Variants in EDARADD observed in about 807,000 individuals in gnomAD.
EDARADD encodes EDAR associated via death domain.
Under a neutral mutation model 25.6 loss-of-function variants are expected in EDARADD, and 20 were observed. The ratio of observed to expected loss-of-function variants is 0.78; its 90% CI spans 0.55 to 1.14. The LOEUF (loss-of-function observed/expected upper bound fraction) is 1.14, where lower values mean the gene tolerates loss of function less well. Among genes scored for constraint, EDARADD ranks in the 50% most tolerant of loss-of-function variants. The pLI, the probability that EDARADD is intolerant of heterozygous loss-of-function variation, is 0.00. For synonymous variants in EDARADD, 86 were observed against 94.4 expected, an observed-to-expected ratio of 0.91 and a Z score of 0.52; for missense variants, 225 against 270.1, an observed-to-expected ratio of 0.83 and a Z score of 1.17.
At chr1:236,480,216 C>T (rs1167895148) in intron 5 of EDARADD, among the ~76,000 whole-genome samples, 6 of 148,940 alleles carry the variant, frequency 4.0e-5, no homozygotes, top group Non-Finnish European at 7.4e-5. Flanking sequence ...TTCCATCTTT[C>T]ACATAACATC....
chr1:236,356,547 A>G lies in EDARADD; in HGVS notation c.-6+5708A>G, dbSNP rs577510073. Among the ~76,000 whole-genome samples the G allele has an allele frequency of 1.4e-4, 22 of 152,294 alleles. No homozygotes were observed. In the South Asian group the frequency reaches 4.4e-3, roughly 30 times the overall value. On this transcript the variant is annotated intron_variant, in intron 3 of 7. Transcript: ENST00000439430. Reference sequence around the variant, plus strand: ...GTCAAAGCTATTTTCATAGTATACCATGATATTCTTTGTCTTTTTAACTGT... The same window carrying G: ...GTCAAAGCTATTTTCATAGTATACCGTGATATTCTTTGTCTTTTTAACTGT...
upstream of EDARADD, among the ~76,000 whole-genome samples, chr1:236,390,762 C>CA (rs1020839956): frequency 6.6e-6 from 1 of 152,050 alleles, no homozygotes; most frequent in Non-Finnish European, 1.5e-5. Flanking sequence ...ATTAATCTTC[C>CA]AAAACACCAA....
At chr1:236,394,252 C>G (rs1016007799), upstream of EDARADD, 3 of 598,572 alleles carry the variant, frequency 5.0e-6, no homozygotes, top group Non-Finnish European at 8.9e-6. Context: ...AGATAAAATA[C>G]CCTTAAAAAA....
chr1:236,462,794 G>A (rs1387292466), intron 4 of EDARADD, among the ~76,000 whole-genome samples: 1 of 152,140 alleles, frequency 6.6e-6, no homozygotes, highest in Middle Eastern at 3.2e-3. Context: ...TAATTCCCTT[G>A]TACTCACAAT....
intron 4 of EDARADD, among the ~76,000 whole-genome samples, chr1:236,463,539 C>T (rs1411476676): frequency 6.6e-6 from 1 of 152,326 alleles, no homozygotes; most frequent in East Asian, 1.9e-4. Context: ...GTGATCAGCC[C>T]GCCTCGCCTC....
chr1:236,395,267 A>C lies in EDARADD; in HGVS notation c.61+762A>C. ...AGGACCCGCCCAGGGGGACGTGGGT[A>C]CCGGGCAGGACGCGCGCTCTGGGCG... is the stretch of plus-strand genomic sequence containing the variant. On this transcript the variant is annotated intron_variant, in intron 1 of 5. Transcript: ENST00000334232. This position sits in a 1 kb window ranked among gnomAD's most constrained non-coding sequence, Gnocchi z 6.9. 4 of 864,420 alleles carry C rather than the reference A, an allele frequency of 4.6e-6. No homozygotes were observed. Among genetic ancestry groups the C allele is most frequent in the East Asian group, 7.6e-5 (1 of 13,142 alleles). 53.5% of individuals were successfully genotyped at this position (864,420 alleles called of 1,614,324 possible).
intron 4 of EDARADD, among the ~76,000 whole-genome samples, chr1:236,463,689 T>C (rs974991798): frequency 6.6e-6 from 1 of 152,194 alleles, no homozygotes; most frequent in Non-Finnish European, 1.5e-5. Flanking sequence ...TTCTCTGTCT[T>C]CCCAAACTGA....
chr1:236,349,723 A>G (rs372632693), intron 2 of EDARADD, among the ~76,000 whole-genome samples: 2 of 152,204 alleles, frequency 1.3e-5, no homozygotes, highest in African/African-American at 4.8e-5. Context: ...AGCAGGTTGT[A>G]AAATGTTTCT....
chr1:236,425,181 G>A (rs1000667619), intron 3 of EDARADD, among the ~76,000 whole-genome samples: 1 of 152,246 alleles, frequency 6.6e-6, no homozygotes, highest in Non-Finnish European at 1.5e-5. Flanking sequence ...TGGCGTGTTG[G>A]AAGCAGCAGC....
chr1:236,434,355 G>C (rs1233709307), intron 4 of EDARADD, among the ~76,000 whole-genome samples: 1 of 151,554 alleles, frequency 6.6e-6, no homozygotes, highest in East Asian at 1.9e-4. Flanking sequence ...TTCCTGGCTC[G>C]GCCTCCCTGG....
chr1:236,381,240 T>C (rs974085524), intron 3 of EDARADD, among the ~76,000 whole-genome samples: 2 of 152,246 alleles, frequency 1.3e-5, no homozygotes, highest in South Asian at 2.1e-4. Context: ...TGTGTTGTTA[T>C]GTGTATCAAT....
In EDARADD at chr1:236,394,490, C is replaced by T. The variant is rs1667479214; in HGVS notation, c.46C>T (p.Pro16Ser). Residue 16 changes from proline to serine, a missense_variant, in exon 1 of 6, where the codon CCT (proline) becomes TCT (serine). Pro to Ser is a moderately conservative substitution (Grantham distance 74). Coordinates refer to ENST00000334232, the MANE Select transcript of EDARADD (RefSeq NM_145861.4). Reference sequence around the variant, plus strand: ...ACAGATGGGGAGAGGCACTAAAGCTCCTGGTCACCAAGAGGGTATGTAGGC... The same window carrying T: ...ACAGATGGGGAGAGGCACTAAAGCTTCTGGTCACCAAGAGGGTATGTAGGC... ...TKQMGRGTKA[P>S]GHQEDHMVKE... is the part of the protein sequence containing the mutation. 2 of 1,614,070 alleles carry T rather than the reference C, an allele frequency of 1.2e-6. No homozygotes were observed. Among genetic ancestry groups the T allele is most frequent in the Non-Finnish European group, 1.7e-6 (2 of 1,179,994 alleles).
At chr1:236,416,933 G>A (rs1465105811) in intron 3 of EDARADD, among the ~76,000 whole-genome samples, 6 of 152,072 alleles carry the variant, frequency 3.9e-5, no homozygotes, top group African/African-American at 1.2e-4. Flanking sequence ...GCAACATGGC[G>A]AAACCCCATC....
intron 3 of EDARADD, among the ~76,000 whole-genome samples, chr1:236,417,977 G>A (rs1214981885): frequency 2.1e-5 from 3 of 143,692 alleles, no homozygotes; most frequent in South Asian, 2.2e-4. Flanking sequence ...TTTTTGAGAC[G>A]GATTCTCGCT....
rs112298400 is a variant in EDARADD at position 236,349,927 on chromosome 1, C to T, written c.-141-777C>T. 1.7e-4 allele frequency among the ~76,000 whole-genome samples: 26 copies of T among 152,304 alleles called. 1 individual carries two copies. The highest frequency in any genetic ancestry group is 6.0e-4 in the African/African-American group (25 of 41,574). On this transcript the variant is annotated intron_variant, in intron 2 of 7. Transcript: ENST00000439430. ...AGGAGTTCAAGACCAGCCTGGCCAA[C>T]ATGGCGAAACCATGTCTCTACTAAA...
chr1:236,389,800 G>C (rs566573144), upstream of EDARADD, among the ~76,000 whole-genome samples: 1 of 152,106 alleles, frequency 6.6e-6, no homozygotes, highest in Non-Finnish European at 1.5e-5. Context: ...CCAGGAGTTC[G>C]AGACCTGCCT....
At chr1:236,447,237 TCTTTC>T (rs1658585310) in intron 4 of EDARADD, among the ~76,000 whole-genome samples, 2 of 135,524 alleles carry the variant, frequency 1.5e-5, no homozygotes, top group African/African-American at 3.2e-5. Flanking sequence ...TTCTTTCCTT[TCTTTC>T]CTTTCTTTCC....
intron 4 of EDARADD, among the ~76,000 whole-genome samples, chr1:236,453,798 C>T (rs1457281978): frequency 1.3e-5 from 2 of 152,184 alleles, no homozygotes; most frequent in Admixed American, 6.6e-5. Flanking sequence ...CACCTAAGGA[C>T]GCATTTCTCA....
At chr1:236,427,318 G>A (rs1657946482) in intron 3 of EDARADD, 74 bp from the exon 4 acceptor site, 2 of 1,461,878 alleles carry the variant, frequency 1.4e-6, no homozygotes, top group Non-Finnish European at 1.9e-6. Flanking sequence ...TTAATTTTAG[G>A]TCTTACACCA....
Sources: allele counts gnomAD v4.1 joint callset (sites outside exome capture counted in the v4.1 genomes callset), GRCh38; gene constraint gnomAD v4.1.1; non-coding constraint Gnocchi (gnomAD v3.1); transcripts MANE v1.5; gene names NCBI Gene and HGNC (gene_info 2026-07-23, HGNC 2026-07-21).